Variants in IL6ST observed in about 807,000 individuals in gnomAD.
IL6ST encodes interleukin-6 receptor subunit beta.
IL6ST carries 24 observed loss-of-function variants against 91.3 expected under a neutral mutation model. That is an observed-to-expected ratio of 0.26 (90% CI 0.19 to 0.37). IL6ST has a LOEUF of 0.37. IL6ST is among the 10% of genes least tolerant of loss of function. The probability of loss-of-function intolerance (pLI) is 1.00; values close to 1 mark genes in which losing one functional copy is unlikely to be tolerated. For missense variants in IL6ST, 914 were observed against 1,078.5 expected, an observed-to-expected ratio of 0.85 and a Z score of 2.14; for synonymous variants, 351 against 373.6, an observed-to-expected ratio of 0.94 and a Z score of 0.70.
Position 55,942,709 on chromosome 5 carries a change from C to T in IL6ST, c.1980G>A (p.Lys660=). The change falls in exon 16 of 17, where the codon AAG becomes AAA. Residue 660 remains lysine (K), a synonymous_variant. Transcript: ENST00000381298. ...HIWPNVPDPS[K]SHIAQWSPHT... ...GAGGTGACCACTGGGCAATATGACT[C>T]TTTGAAGGATCTGGAACATTAGGCC... 1 of 1,609,806 alleles carries T rather than the reference C, an allele frequency of 6.2e-7. No individual in the cohort carries two copies. The highest frequency in any genetic ancestry group is 8.5e-7 in the Non-Finnish European group (1 of 1,177,316).
chr5:55,936,364 T>A lies in IL6ST; in HGVS notation c.*4718A>T, dbSNP rs7709313. The A allele has an allele frequency of 2.0e-3, 378 of 188,666 alleles. 2 individuals are homozygous for A. Among genetic ancestry groups the A allele is most frequent in the East Asian group, 1.0e-2 (140 of 14,010 alleles). The allele number at this position is 188,666 out of a possible 1,614,324, so 11.7% of individuals were successfully genotyped here. ...AGGTTTTTTTTTTTTTTTTTTTTTT[T>A]AATGTCCACTAGGAGGGAGGATGCT... On this transcript the variant is annotated 3_prime_UTR_variant, in exon 17 of 17. Transcript: ENST00000381298.
At chr5:55,970,259 T>C (rs1199295796) in intron 3 of IL6ST, among the ~76,000 whole-genome samples, 1 of 152,178 alleles carries the variant, frequency 6.6e-6, no homozygotes, top group Non-Finnish European at 1.5e-5. Context: ...TGAATGCTGT[T>C]GTGGAGTACA....
At chr5:55,951,875 TA>T in intron 13 of IL6ST, 53 bp downstream of exon 13, 1 of 1,148,756 alleles carries the variant, frequency 8.7e-7, no homozygotes, top group Non-Finnish European at 1.2e-6. Context: ...AATTAGTACT[TA>T]AAAGCTTAAG....
At position 55,936,341 on chromosome 5, in the gene IL6ST, GTTTTTTTTTT is replaced by G. The variant is rs57970223; in HGVS notation, c.*4731_*4740del. The G allele has an allele frequency of 1.3e-5, 2 of 149,312 alleles. No individual in the cohort carries two copies. Among genetic ancestry groups the G allele is most frequent in the African/African-American group, 3.0e-5 (1 of 33,492 alleles). 9.2% of individuals were successfully genotyped at this position (149,312 alleles called of 1,614,324 possible). On this transcript the variant is annotated 3_prime_UTR_variant, in exon 17 of 17. Coordinates refer to ENST00000381298, the MANE Select transcript of IL6ST (RefSeq NM_002184.4). ...ACTTGGGCTCTTGACAACCAAGTAG[GTTTTTTTTTT>G]TTTTTTTTTTTTTAATGTCCACTAG...
In IL6ST at chr5:55,940,593, G is replaced by A. The variant is rs917434904; in HGVS notation, c.*489C>T. ...AGATTACAAAAGCTGGGCTCATGTAGTTATGGCCTATGGACCTCTTTTTAA... is the reference window on the plus strand; with the variant it reads ...AGATTACAAAAGCTGGGCTCATGTAATTATGGCCTATGGACCTCTTTTTAA... On this transcript the variant is annotated 3_prime_UTR_variant, in exon 17 of 17. Transcript: ENST00000381298. The A allele has an allele frequency of 9.3e-6, 2 of 214,520 alleles. No homozygotes were observed. The highest frequency in any genetic ancestry group is 9.4e-6 in the Non-Finnish European group (1 of 106,336). 13.3% of individuals were successfully genotyped at this position (214,520 alleles called of 1,614,324 possible).
intron 13 of IL6ST, 66 bp downstream of exon 13, chr5:55,951,863 T>C (rs1317226908): frequency 9.8e-7 from 1 of 1,023,204 alleles, no homozygotes; most frequent in Non-Finnish European, 1.4e-6. Context: ...AGAACAGACT[T>C]AAATTAGTAC....
intron 1 of IL6ST, among the ~76,000 whole-genome samples, chr5:55,985,347 TCTA>T (rs1220601392): frequency 6.6e-6 from 1 of 151,870 alleles, no homozygotes; most frequent in East Asian, 1.9e-4. Flanking sequence ...AAACCCTGTC[TCTA>T]CTAAAATATT....
intron 15 of IL6ST, among the ~76,000 whole-genome samples, chr5:55,946,632 C>T (rs1407455772): frequency 1.3e-5 from 2 of 151,974 alleles, no homozygotes; most frequent in African/African-American, 4.8e-5. Flanking sequence ...GCCTGGCCAA[C>T]ATGATGAAAC....
In IL6ST at chr5:55,947,584, C is replaced by G. The variant is rs2111640291; in HGVS notation, c.1846G>C (p.Gly616Arg). Residue 616 changes from glycine (G) to arginine (R), a missense_variant, in exon 15 of 17, where the codon GGA (glycine) becomes CGA (arginine). Physicochemically the swap from Gly to Arg is moderately radical, Grantham distance 125. Transcript: ENST00000381298. ...FTFTTPKFAQGEIEAIVVPVC... is the reference protein window; with the variant it reads ...FTFTTPKFAQREIEAIVVPVC... Reference sequence around the variant, plus strand: ...GGCACGACTATGGCTTCAATTTCTCCTTGAGCTTAAAAAAAAAAAAAAAAA... The same window carrying G: ...GGCACGACTATGGCTTCAATTTCTCGTTGAGCTTAAAAAAAAAAAAAAAAA... The G allele has an allele frequency of 1.2e-6, 1 of 855,144 alleles. No homozygotes were observed. The highest frequency in any genetic ancestry group is 1.8e-6 in the Non-Finnish European group (1 of 569,712). 53.0% of individuals were successfully genotyped at this position (855,144 alleles called of 1,614,324 possible). A position where few individuals can be genotyped will look rare whatever the true frequency, so the allele number is the denominator to read the frequency against.
chr5:55,990,278 G>A (rs895312954), intron 1 of IL6ST, among the ~76,000 whole-genome samples: 1 of 149,118 alleles, frequency 6.7e-6, no homozygotes, highest in African/African-American at 2.4e-5. Context: ...TAGCCGCAAA[G>A]TTTAAAAAAA....
At chr5:55,945,066 A>T (rs1459810863) in intron 15 of IL6ST, among the ~76,000 whole-genome samples, 1 of 150,678 alleles carries the variant, frequency 6.6e-6, no homozygotes, top group African/African-American at 2.5e-5. Context: ...AAAAGACTGC[A>T]GTTCTCTCCT....
In IL6ST at chr5:55,939,130, T is replaced by C. The variant is rs1159762128; in HGVS notation, c.*1952A>G. The C allele has an allele frequency of 9.6e-6, 2 of 208,822 alleles. No homozygotes were observed. The highest frequency in any genetic ancestry group is 4.5e-5 in the African/African-American group (2 of 44,050). The allele number at this position is 208,822 out of a possible 1,614,324, so 12.9% of individuals were successfully genotyped here. On this transcript the variant is annotated 3_prime_UTR_variant, in exon 17 of 17. Coordinates refer to ENST00000381298, the MANE Select transcript of IL6ST (RefSeq NM_002184.4). The stretch of plus-strand genomic sequence containing the variant: ...AATTTTGAGAAAATGGAAAATGTAA[T>C]AGGTATAAATTTCCTGACACATACA...
At chr5:55,978,825 TG>T (rs1372342192) in intron 2 of IL6ST, among the ~76,000 whole-genome samples, 11 of 145,206 alleles carry the variant, frequency 7.6e-5, no homozygotes, top group Non-Finnish European at 9.0e-5. Flanking sequence ...AACTAAAAAA[TG>T]GTGAATTTTA....
At position 55,945,648 on chromosome 5, in the gene IL6ST, C is replaced by CTTTTT. The variant is rs70995749; in HGVS notation, c.1937+1840_1937+1844dup. ...ACTTCATCAAAATAAAAAACTTATG[C>CTTTTT]TTTTTTTTTTTTTTTTTTTTTTTTT... On this transcript the variant is annotated intron_variant, in intron 15 of 16. Coordinates refer to ENST00000381298, the MANE Select transcript of IL6ST (RefSeq NM_002184.4). Among the ~76,000 whole-genome samples, 206 of 41,680 alleles carry CTTTTT rather than the reference C, an allele frequency of 4.9e-3. 63 individuals are homozygous for CTTTTT. Among genetic ancestry groups the CTTTTT allele is most frequent in the African/African-American group, 0.016 (159 of 10,018 alleles). The allele number at this position is 41,680 out of a possible 152,430, so 27.3% of individuals were successfully genotyped here.
intron 5 of IL6ST, among the ~76,000 whole-genome samples, chr5:55,966,340 G>A (rs548538983): frequency 6.6e-6 from 1 of 152,296 alleles, no homozygotes; most frequent in South Asian, 2.1e-4. Flanking sequence ...ACAGGTAGTT[G>A]CTCATGGGGT....
At chr5:55,992,529 A>C (rs1326626280) in intron 1 of IL6ST, among the ~76,000 whole-genome samples, 3 of 152,242 alleles carry the variant, frequency 2.0e-5, no homozygotes, top group Non-Finnish European at 1.5e-5. Flanking sequence ...AAATGCCTTA[A>C]TATGGGCAAA....
rs1173399871 is a variant in IL6ST at position 55,969,826 on chromosome 5, T to A, written c.94A>T (p.Ser32Cys). 2 of 1,604,934 alleles carry A rather than the reference T, an allele frequency of 1.2e-6. No homozygotes were observed. Among genetic ancestry groups the A allele is most frequent in the Admixed American group, 3.3e-5 (2 of 59,754 alleles). Residue 32 changes from serine to cysteine, a missense_variant, in exon 4 of 17, where the codon AGT becomes TGT. Ser to Cys is a moderately radical substitution (Grantham distance 112). Transcript: ENST00000381298. ...AGTTGTACAACTGGAGATTCAGGAC[T>A]GATATAACCACATGGATCTAGAAGT... ...GELLDPCGYI[S>C]PESPVVQLHS...
At chr5:55,965,958 A>G (rs1752608800) in intron 5 of IL6ST, among the ~76,000 whole-genome samples, 1 of 152,202 alleles carries the variant, frequency 6.6e-6, no homozygotes, top group Non-Finnish European at 1.5e-5. Context: ...TCATTATTCT[A>G]CCTTTGGAGG....
intron 2 of IL6ST, 100 bp downstream of exon 2, chr5:55,982,624 C>G (rs1014228358): frequency 7.6e-6 from 3 of 394,762 alleles, no homozygotes; most frequent in African/African-American, 4.1e-5. Context: ...TCACTTTAGT[C>G]TCCTAATATC....
Sources: allele counts gnomAD v4.1 joint callset (sites outside exome capture counted in the v4.1 genomes callset), GRCh38; gene constraint gnomAD v4.1.1; transcripts MANE v1.5; gene names NCBI Gene and HGNC (gene_info 2026-07-23, HGNC 2026-07-21).